The following RFX4 variants were observed in gnomAD, a reference collection of about 807,000 sequenced individuals.
RFX4 encodes the protein transcription factor RFX4.
A neutral mutation model predicts 95.0 loss-of-function variants in RFX4; 10 were observed. The observed-to-expected ratio is 0.11, with a 90% confidence interval of 0.06 to 0.18. The LOEUF (loss-of-function observed/expected upper bound fraction) is 0.18. RFX4 is among the 10% of genes least tolerant of loss of function. The pLI, the probability that RFX4 is intolerant of heterozygous loss-of-function variation, is 1.00. For synonymous variants in RFX4, 321 were observed against 340.7 expected, an observed-to-expected ratio of 0.94 and a Z score of 0.64; for missense variants, 640 against 922.0, an observed-to-expected ratio of 0.69 and a Z score of 3.96.
At chr12:106,712,589 A>G (rs1243593847) in intron 10 of RFX4, among the ~76,000 whole-genome samples, 9 of 152,042 alleles carry the variant, frequency 5.9e-5, no homozygotes, top group Non-Finnish European at 1.3e-4. Flanking sequence ...AAAGTATAAC[A>G]CAACACCCAC....
At chr12:106,702,407 T>A (rs1183274222) in intron 8 of RFX4, among the ~76,000 whole-genome samples, 2 of 152,200 alleles carry the variant, frequency 1.3e-5, no homozygotes, top group African/African-American at 2.4e-5. Flanking sequence ...ACCTTTAGTG[T>A]AGCACCAGAT....
chr12:106,599,314 A>C (rs79670209), intron 1 of RFX4, among the ~76,000 whole-genome samples: 53 of 152,034 alleles, frequency 3.5e-4, no homozygotes, highest in African/African-American at 1.3e-3. Flanking sequence ...CTATTGTACA[A>C]TTGGTGTTAT....
chr12:106,720,661 A>G lies in RFX4; in HGVS notation c.1234-98A>G, dbSNP rs1041858731. 6.8e-6 allele frequency: 8 copies of G among 1,179,732 alleles called. No individual in the cohort carries two copies. In the African/African-American group the frequency reaches 1.2e-4, roughly 18 times the overall value. The allele number at this position is 1,179,732 out of a possible 1,614,324, so 73.1% of individuals were successfully genotyped here. A position where few individuals can be genotyped will look rare whatever the true frequency, so the allele number is the denominator to read the frequency against. On this transcript the variant is annotated intron_variant, in intron 12 of 17. Transcript: ENST00000392842. The surrounding 1 kb of genome is among the most constrained non-coding windows in gnomAD (Gnocchi z 4.2). Reference sequence around the variant, plus strand: ...CTTGGCCTCCCAAAGTGCTGGGATTACAGGCGTGAGCCACTTCAACCGGCC... The same window carrying G: ...CTTGGCCTCCCAAAGTGCTGGGATTGCAGGCGTGAGCCACTTCAACCGGCC...
chr12:106,742,397 G>A (rs1001885751), intron 15 of RFX4, among the ~76,000 whole-genome samples: 1 of 152,096 alleles, frequency 6.6e-6, no homozygotes, highest in African/African-American at 2.4e-5. Context: ...TGCCTAGGCT[G>A]GTCTCAAACT....
chr12:106,662,770 T>C (rs141106347), intron 4 of RFX4, among the ~76,000 whole-genome samples: 318 of 152,278 alleles, frequency 2.1e-3, no homozygotes, highest in Non-Finnish European at 3.2e-3. Flanking sequence ...ATTCACTTTT[T>C]TTGCATGTGT....
At position 106,608,875 on chromosome 12, in the gene RFX4, A is replaced by C; in HGVS notation, c.122A>C (p.Asn41Thr). 18 of 1,610,520 alleles carry C rather than the reference A, an allele frequency of 1.1e-5. No homozygotes were observed. Among genetic ancestry groups the C allele is most frequent in the Non-Finnish European group, 1.4e-5 (17 of 1,179,048 alleles). The change falls in exon 2 of 18, where the codon AAT becomes ACT. Residue 41 changes from asparagine to threonine, a missense_variant. Coordinates refer to ENST00000392842, the MANE Select transcript of RFX4 (RefSeq NM_213594.3). ...SSHTSLGNVS[N>T]DENEEKENNR... ...CACACATCTCTGGGGAATGTTTCTA[A>C]TGATGAAAGTAAGTGCTTGAAACTC...
chr12:106,624,719 A>C (rs1356471422), intron 2 of RFX4, among the ~76,000 whole-genome samples: 1 of 152,190 alleles, frequency 6.6e-6, no homozygotes, highest in Non-Finnish European at 1.5e-5. Flanking sequence ...ACAGAGCCTA[A>C]AATATTTACT....
intron 2 of RFX4, among the ~76,000 whole-genome samples, chr12:106,623,985 C>T (rs566879147): frequency 6.6e-6 from 1 of 152,264 alleles, no homozygotes; most frequent in South Asian, 2.1e-4. Flanking sequence ...GTATTTTGTC[C>T]CCGAGTTAGT....
chr12:106,686,139 G>A (rs143381554), intron 5 of RFX4, among the ~76,000 whole-genome samples: 3,251 of 152,266 alleles, frequency 0.021, 62 homozygotes, highest in African/African-American at 0.057. Flanking sequence ...AAGGCCAGGC[G>A]CGGTGGCTCA....
rs920790524 is a variant in RFX4, at chr12:106,602,661, C to A, written c.44-6136C>A. Among the ~76,000 whole-genome samples, 11 of 152,184 alleles carry A rather than the reference C, an allele frequency of 7.2e-5. No individual in the cohort carries two copies. In the South Asian group the frequency reaches 1.2e-3, roughly 17 times the overall value. ...CTTTCCTGGGGTTGGGGGTAACCTT[C>A]GCCCTTGTGGTCCCCTCTCTCTGAA... On this transcript the variant is annotated intron_variant, in intron 1 of 17. Transcript: ENST00000392842.
intron 4 of RFX4, among the ~76,000 whole-genome samples, chr12:106,680,057 G>T (rs2041475706): frequency 6.6e-6 from 1 of 152,210 alleles, no homozygotes; most frequent in African/African-American, 2.4e-5. Flanking sequence ...TACCCTTAAA[G>T]AATTCAGAGA....
At chr12:106,669,575 C>A (rs912901287) in intron 4 of RFX4, among the ~76,000 whole-genome samples, 13 of 152,106 alleles carry the variant, frequency 8.5e-5, no homozygotes, top group Middle Eastern at 3.4e-3. Context: ...CTAGTCCCAC[C>A]AGTCTGCCCA....
At chr12:106,719,294 A>G (rs1486235127) in intron 11 of RFX4, among the ~76,000 whole-genome samples, 2 of 152,202 alleles carry the variant, frequency 1.3e-5, no homozygotes, top group Non-Finnish European at 2.9e-5. Flanking sequence ...CATGCCACAC[A>G]GAGAGGCTGC....
At chr12:106,752,794 C>T (rs1352874289) in intron 17 of RFX4, among the ~76,000 whole-genome samples, 2 of 152,176 alleles carry the variant, frequency 1.3e-5, no homozygotes, top group African/African-American at 2.4e-5. Flanking sequence ...CCTCTGTGGC[C>T]TGTGGGGAAT....
chr12:106,590,981 G>A (rs1263768682), intron 1 of RFX4, among the ~76,000 whole-genome samples: 1 of 150,966 alleles, frequency 6.6e-6, no homozygotes, highest in East Asian at 1.9e-4. Context: ...GGAAGGAAAA[G>A]AACAATAAAA....
intron 4 of RFX4, 56 bp downstream of exon 4, chr12:106,654,407 A>T (rs1411791174): frequency 6.4e-7 from 1 of 1,571,134 alleles, no homozygotes; most frequent in Non-Finnish European, 8.6e-7. Flanking sequence ...TAAGTAATTT[A>T]TGCACAGTTT....
In RFX4 at chr12:106,645,828, A is replaced by G; in HGVS notation, c.191+6436A>G. ...AATGTGAGTTAGGTAACATGGTTCT[A>G]AAAAGGGAGGCTGAACACTTTTAGC... On this transcript the variant is annotated intron_variant, in intron 3 of 17. Coordinates refer to ENST00000392842, the MANE Select transcript of RFX4 (RefSeq NM_213594.3). 3.7e-6 allele frequency: 4 copies of G among 1,078,764 alleles called. No individual in the cohort carries two copies. The African/African-American group carries it at 6.5e-5, about 17-fold the overall frequency. 66.8% of individuals were successfully genotyped at this position (1,078,764 alleles called of 1,614,324 possible).
At chr12:106,597,397 C>A in intron 1 of RFX4, among the ~76,000 whole-genome samples, 1 of 152,060 alleles carries the variant, frequency 6.6e-6, no homozygotes, top group East Asian at 1.9e-4. Flanking sequence ...ATTGGGAGAT[C>A]CAAGAATCAA....
intron 15 of RFX4, among the ~76,000 whole-genome samples, chr12:106,734,508 C>T (rs2042673680): frequency 6.6e-6 from 1 of 151,570 alleles, no homozygotes; most frequent in Admixed American, 6.6e-5. Flanking sequence ...AGGCAGGAGA[C>T]TCGCTTGAAC....
Sources: gnomAD v4.1 joint callset for allele counts (sites outside exome capture counted in the v4.1 genomes callset) on GRCh38, gnomAD v4.1.1 for gene constraint, Gnocchi (gnomAD v3.1) non-coding constraint, MANE v1.5 for transcripts, NCBI Gene and HGNC (gene_info 2026-07-23, HGNC 2026-07-21) for gene names.